MIPOL1: variants seen among roughly 807,000 people sequenced by gnomAD.
MIPOL1 encodes the protein mirror-image polydactyly 1.
MIPOL1 carries 57 observed loss-of-function variants against 60.9 expected under a neutral mutation model. That is an observed-to-expected ratio of 0.94 (90% CI 0.76 to 1.17). The LOEUF is 1.17. MIPOL1 is among the 50% of genes most tolerant of loss of function. The probability of loss-of-function intolerance (pLI) is 0.00; values close to 1 mark genes in which losing one functional copy is unlikely to be tolerated. For synonymous variants in MIPOL1, 179 were observed against 168.8 expected, an observed-to-expected ratio of 1.06 and a Z score of -0.47; for missense variants, 551 against 511.6, an observed-to-expected ratio of 1.08 and a Z score of -0.74.
In MIPOL1 at chr14:37,308,331, A is replaced by G. The variant is rs1381495607; in HGVS notation, c.658-18A>G. ...TATTAAAACTTCATGTCTGACTAAC[A>G]TATAATGGTGTTGGTAGACATTACA... On this transcript the variant is annotated intron_variant, in intron 8 of 12. Transcript: ENST00000684589. The G allele has an allele frequency of 1.3e-6, 2 of 1,510,090 alleles. No individual in the cohort carries two copies. Among genetic ancestry groups the G allele is most frequent in the East Asian group, 2.3e-5 (1 of 43,022 alleles). The allele number at this position is 1,510,090 out of a possible 1,614,324, so 93.5% of individuals were successfully genotyped here. A position where few individuals can be genotyped will look rare whatever the true frequency, so the allele number is the denominator to read the frequency against.
chr14:37,355,889 A>G (rs1040275886), intron 9 of MIPOL1, among the ~76,000 whole-genome samples: 67 of 148,870 alleles, frequency 4.5e-4, no homozygotes, highest in African/African-American at 1.6e-3. Context: ...GATCGTCTGA[A>G]GCCTTCTTCT....
intron 11 of MIPOL1, among the ~76,000 whole-genome samples, chr14:37,445,405 G>A (rs534880000): frequency 5.5e-4 from 84 of 152,110 alleles, no homozygotes; most frequent in African/African-American, 2.0e-3. Flanking sequence ...ACAAACCACT[G>A]CTCAATGAAA....
chr14:37,377,586 A>G (rs1416912791), intron 10 of MIPOL1, among the ~76,000 whole-genome samples: 5 of 152,088 alleles, frequency 3.3e-5, no homozygotes, highest in Non-Finnish European at 1.5e-5. Context: ...AAATTGGTCT[A>G]TTAACATCTA....
intron 3 of MIPOL1, among the ~76,000 whole-genome samples, chr14:37,259,061 G>T (rs1975444613): frequency 2.0e-5 from 3 of 152,058 alleles, no homozygotes. Context: ...CCATGTGTAG[G>T]AGTATAAAGG....
At chr14:37,468,183 T>C (rs920783233) in intron 11 of MIPOL1, among the ~76,000 whole-genome samples, 4 of 151,862 alleles carry the variant, frequency 2.6e-5, no homozygotes, top group East Asian at 3.9e-4. Flanking sequence ...TGTGTGTGTG[T>C]GCAATTGTGT....
intron 10 of MIPOL1, among the ~76,000 whole-genome samples, chr14:37,379,852 A>G (rs1175561155): frequency 6.6e-6 from 1 of 152,132 alleles, no homozygotes; most frequent in Non-Finnish European, 1.5e-5. Flanking sequence ...GATTTGTTTT[A>G]AAGAATGAAG....
At chr14:37,259,900 C>T (rs2082397949) in intron 3 of MIPOL1, among the ~76,000 whole-genome samples, 1 of 152,010 alleles carries the variant, frequency 6.6e-6, no homozygotes, top group South Asian at 2.1e-4. Context: ...CTCATTCTGC[C>T]ACCAACCTTT....
At chr14:37,323,477 A>G (rs970666197) in intron 9 of MIPOL1, among the ~76,000 whole-genome samples, 1 of 151,984 alleles carries the variant, frequency 6.6e-6, no homozygotes, top group Non-Finnish European at 1.5e-5. Flanking sequence ...TTGGTTCCAT[A>G]TGAAATTTTA....
intron 3 of MIPOL1, among the ~76,000 whole-genome samples, chr14:37,265,847 T>A (rs1377433636): frequency 6.6e-6 from 1 of 152,088 alleles, no homozygotes; most frequent in Non-Finnish European, 1.5e-5. Flanking sequence ...GTATGGATAG[T>A]CTGATTTGCA....
At chr14:37,285,266 C>T in intron 6 of MIPOL1, 52 bp from the exon 7 acceptor site, 1 of 1,601,368 alleles carries the variant, frequency 6.2e-7, no homozygotes, top group East Asian at 2.2e-5. Context: ...TAAAGGTATA[C>T]ATTTGTCCTT....
chr14:37,327,242 G>A (rs1258084499), intron 9 of MIPOL1, among the ~76,000 whole-genome samples: 1 of 152,036 alleles, frequency 6.6e-6, no homozygotes, highest in Non-Finnish European at 1.5e-5. Flanking sequence ...AAAATGAAAT[G>A]GATTAGCATG....
chr14:37,327,898 T>C (rs560476203), intron 9 of MIPOL1, among the ~76,000 whole-genome samples: 1 of 152,342 alleles, frequency 6.6e-6, no homozygotes, highest in Admixed American at 6.5e-5. Context: ...GATACAGTAC[T>C]CGTGGACATT....
intron 10 of MIPOL1, among the ~76,000 whole-genome samples, chr14:37,391,348 A>G (rs1408696868): frequency 6.6e-6 from 1 of 152,194 alleles, no homozygotes; most frequent in African/African-American, 2.4e-5. Flanking sequence ...CAGAGCAGCC[A>G]GAAGGATAAA....
intron 11 of MIPOL1, among the ~76,000 whole-genome samples, chr14:37,428,003 C>A (rs894634395): frequency 3.3e-5 from 5 of 151,934 alleles, no homozygotes; most frequent in Admixed American, 3.3e-4. Flanking sequence ...TACAGCTATC[C>A]AAATCAGTTT....
chr14:37,418,533 A>G (rs2093811796), intron 10 of MIPOL1, among the ~76,000 whole-genome samples: 1 of 152,186 alleles, frequency 6.6e-6, no homozygotes, highest in African/African-American at 2.4e-5. Context: ...TCAAATGATC[A>G]TTTGATTCCA....
At chr14:37,279,000 A>G (rs1353173219) in intron 6 of MIPOL1, 2 of 151,708 alleles carry the variant, frequency 1.3e-5, no homozygotes, top group South Asian at 2.1e-4. Context: ...ACTAAGAATT[A>G]TAGGATATTT....
chr14:37,388,629 T>G (rs2093145548), intron 10 of MIPOL1, among the ~76,000 whole-genome samples: 1 of 151,988 alleles, frequency 6.6e-6, no homozygotes, highest in African/African-American at 2.4e-5. Context: ...CCAAAATATT[T>G]TTTTTGTGCT....
intron 11 of MIPOL1, among the ~76,000 whole-genome samples, chr14:37,448,849 A>T (rs769947071): frequency 6.6e-6 from 1 of 152,196 alleles, no homozygotes; most frequent in Admixed American, 6.5e-5. Flanking sequence ...ATATGTATGG[A>T]GGTCACTCAT....
chr14:37,540,402 G>A (rs1418421289), intron 12 of MIPOL1, among the ~76,000 whole-genome samples: 3 of 151,946 alleles, frequency 2.0e-5, no homozygotes, highest in South Asian at 2.1e-4. Flanking sequence ...TATTTATATC[G>A]TAGTGTCTGT....
Sources: allele counts gnomAD v4.1 joint callset (sites outside exome capture counted in the v4.1 genomes callset), GRCh38; gene constraint gnomAD v4.1.1; transcripts MANE v1.5; gene names NCBI Gene and HGNC (gene_info 2026-07-23, HGNC 2026-07-21).